Variants in ATRNL1 observed in about 807,000 individuals in gnomAD.
The protein encoded by ATRNL1 is attractin-like protein 1.
Under a neutral mutation model 182.7 loss-of-function variants are expected in ATRNL1, and 95 were observed. The ratio of observed to expected loss-of-function variants is 0.52; its 90% CI spans 0.44 to 0.62. The LOEUF is 0.62. ATRNL1 is among the 20% of genes least tolerant of loss of function. The probability of loss-of-function intolerance (pLI) is 0.00; values close to 1 mark genes in which losing one functional copy is unlikely to be tolerated. For missense variants in ATRNL1, 1,471 were observed against 1,679.5 expected, an observed-to-expected ratio of 0.88 and a Z score of 2.17; for synonymous variants, 576 against 568.3, an observed-to-expected ratio of 1.01 and a Z score of -0.19.
chr10:115,836,968 T>C (rs192498018), intron 27 of ATRNL1, among the ~76,000 whole-genome samples: 1 of 152,054 alleles, frequency 6.6e-6, no homozygotes, highest in South Asian at 2.1e-4. Flanking sequence ...ATCAATTAGA[T>C]AATTAGTAGG....
At chr10:115,821,585 G>A (rs541830281) in intron 27 of ATRNL1, among the ~76,000 whole-genome samples, 3 of 152,224 alleles carry the variant, frequency 2.0e-5, no homozygotes, top group South Asian at 2.1e-4. Context: ...ATAAAGGGAT[G>A]GAGGAAGATT....
intron 26 of ATRNL1, among the ~76,000 whole-genome samples, chr10:115,555,953 G>T (rs1171948633): frequency 2.0e-5 from 3 of 151,966 alleles, no homozygotes; most frequent in Non-Finnish European, 2.9e-5. Context: ...TAAGGAATTT[G>T]TGGAGACTAG....
At chr10:115,308,210 G>T (rs1853832401) in intron 17 of ATRNL1, among the ~76,000 whole-genome samples, 1 of 152,070 alleles carries the variant, frequency 6.6e-6, no homozygotes, top group African/African-American at 2.4e-5. Context: ...TGTTTTTTAA[G>T]ATAATTTTTG....
intron 26 of ATRNL1, among the ~76,000 whole-genome samples, chr10:115,591,403 G>C (rs1327766894): frequency 2.1e-4 from 32 of 152,116 alleles, no homozygotes; most frequent in Non-Finnish European, 7.4e-5. Context: ...GACTAGAGAG[G>C]GAAGCTTCTC....
chr10:115,560,496 CATT>C (rs1554999106), intron 26 of ATRNL1, among the ~76,000 whole-genome samples: 1 of 152,086 alleles, frequency 6.6e-6, no homozygotes, highest in Non-Finnish European at 1.5e-5. Context: ...AACTATAAAA[CATT>C]GTTGAAAGAA....
At chr10:115,698,562 G>A (rs1593085996) in intron 26 of ATRNL1, among the ~76,000 whole-genome samples, 1 of 152,046 alleles carries the variant, frequency 6.6e-6, no homozygotes, top group Admixed American at 6.6e-5. Flanking sequence ...GGCAGATCAC[G>A]AGGTCAAGAG....
rs530041231 is a variant in ATRNL1, at chr10:115,467,162, C to T, written c.3418-12C>T. ...TTTCGTTTTTTAACCTTAATATTTT[C>T]TTTTCTGGTAGTCGAACAAAAATCT... On this transcript the variant is annotated splice_polypyrimidine_tract_variant and intron_variant, in intron 22 of 28. Transcript: ENST00000355044. 1.0e-4 allele frequency: 164 copies of T among 1,577,824 alleles called. 2 individuals carry two copies. In the East Asian group the frequency reaches 1.3e-3, roughly 13 times the overall value.
chr10:115,504,472 A>G (rs1850007678), intron 24 of ATRNL1, among the ~76,000 whole-genome samples: 1 of 152,066 alleles, frequency 6.6e-6, no homozygotes, highest in Non-Finnish European at 1.5e-5. Flanking sequence ...TTTAAGATGT[A>G]TCTATTTTTA....
At chr10:115,622,446 C>T (rs1857828941) in intron 26 of ATRNL1, among the ~76,000 whole-genome samples, 1 of 152,132 alleles carries the variant, frequency 6.6e-6, no homozygotes, top group Admixed American at 6.5e-5. Context: ...GTTTTTGTTA[C>T]AGACATTTGT....
intron 17 of ATRNL1, among the ~76,000 whole-genome samples, chr10:115,302,327 A>G (rs1853513476): frequency 6.6e-6 from 1 of 152,186 alleles, no homozygotes; most frequent in South Asian, 2.1e-4. Context: ...ACTTCATGAG[A>G]GTGTTCACCT....
chr10:115,386,316 T>C (rs1289210008), intron 19 of ATRNL1, among the ~76,000 whole-genome samples: 2 of 152,228 alleles, frequency 1.3e-5, no homozygotes, highest in African/African-American at 4.8e-5. Context: ...ATAAATGATA[T>C]TAATGTTTGC....
intron 26 of ATRNL1, among the ~76,000 whole-genome samples, chr10:115,660,939 A>G (rs1221405704): frequency 2.0e-5 from 3 of 152,112 alleles, no homozygotes; most frequent in Admixed American, 6.6e-5. Flanking sequence ...GACAGGCACT[A>G]GGGAGTGGAT....
intron 26 of ATRNL1, among the ~76,000 whole-genome samples, chr10:115,672,188 A>G (rs1185864494): frequency 6.6e-6 from 1 of 152,108 alleles, no homozygotes; most frequent in African/African-American, 2.4e-5. Context: ...ATGTCTTTAT[A>G]TGATCTAACC....
intron 15 of ATRNL1, among the ~76,000 whole-genome samples, chr10:115,288,297 A>G (rs1852725204): frequency 6.6e-6 from 1 of 152,066 alleles, no homozygotes; most frequent in African/African-American, 2.4e-5. Context: ...TTTCTGAGGA[A>G]CTTCTATATT....
intron 28 of ATRNL1, among the ~76,000 whole-genome samples, chr10:115,861,311 A>T (rs1252217596): frequency 6.6e-6 from 1 of 152,134 alleles, no homozygotes; most frequent in African/African-American, 2.4e-5. Context: ...AAGGGCAGGG[A>T]TGTTTCCCTT....
intron 5 of ATRNL1, among the ~76,000 whole-genome samples, chr10:115,132,192 G>T (rs1031557261): frequency 6.7e-6 from 1 of 149,104 alleles, no homozygotes; most frequent in Non-Finnish European, 1.5e-5. Flanking sequence ...TTGGTTTTTT[G>T]TCCTTGCGAT....
intron 20 of ATRNL1, among the ~76,000 whole-genome samples, chr10:115,419,285 A>G (rs1386306570): frequency 6.6e-6 from 1 of 152,196 alleles, no homozygotes; most frequent in Non-Finnish European, 1.5e-5. Context: ...GCTATAATAG[A>G]TAACACTAAA....
rs782701011 is a variant in ATRNL1 at position 115,096,604 on chromosome 10, T to C, written c.293+2561T>C. Reference sequence around the variant, plus strand: ...CTTGGTAAGCAGGTGTCAAAATTAATTGGTTGGCTCCATGGTAACTTAGCT... The same window carrying C: ...CTTGGTAAGCAGGTGTCAAAATTAACTGGTTGGCTCCATGGTAACTTAGCT... On this transcript the variant is annotated intron_variant, in intron 1 of 28. Coordinates refer to ENST00000355044, the MANE Select transcript of ATRNL1 (RefSeq NM_207303.4). 18 of 1,178,918 alleles carry C rather than the reference T, an allele frequency of 1.5e-5. No individual in the cohort carries two copies. The South Asian group carries it at 2.3e-4, about 15-fold the overall frequency. The allele number at this position is 1,178,918 out of a possible 1,614,324, so 73.0% of individuals were successfully genotyped here.
At chr10:115,289,122 C>T (rs1267623430) in intron 15 of ATRNL1, among the ~76,000 whole-genome samples, 1 of 152,016 alleles carries the variant, frequency 6.6e-6, no homozygotes, top group Non-Finnish European at 1.5e-5. Flanking sequence ...TGGATGGCAG[C>T]GGGGAAAGAG....
Sources: allele counts gnomAD v4.1 joint callset (sites outside exome capture counted in the v4.1 genomes callset), GRCh38; gene constraint gnomAD v4.1.1; transcripts MANE v1.5; gene names NCBI Gene and HGNC (gene_info 2026-07-23, HGNC 2026-07-21).